The following PRICKLE2 variants were observed in gnomAD, a reference collection of about 807,000 sequenced individuals.
The protein encoded by PRICKLE2 is prickle-like protein 2.
Under a neutral mutation model 81.4 loss-of-function variants are expected in PRICKLE2, and 21 were observed. The ratio of observed to expected loss-of-function variants is 0.26; its 90% CI spans 0.18 to 0.37. The LOEUF (loss-of-function observed/expected upper bound fraction) is 0.37, where lower values mean the gene tolerates loss of function less well. Among genes scored for constraint, PRICKLE2 ranks in the 10% least tolerant of loss-of-function variants. PRICKLE2 has a pLI of 1.00. For synonymous variants in PRICKLE2, 456 were observed against 421.5 expected, an observed-to-expected ratio of 1.08 and a Z score of -1.00; for missense variants, 940 against 1,109.0, an observed-to-expected ratio of 0.85 and a Z score of 2.16.
intron 1 of PRICKLE2, among the ~76,000 whole-genome samples, chr3:64,205,894 T>C (rs1374320530): frequency 6.6e-5 from 10 of 152,168 alleles, no homozygotes; most frequent in Non-Finnish European, 5.9e-5. Context: ...GGCACATTCA[T>C]GGCCTTGAAA....
intron 2 of PRICKLE2, among the ~76,000 whole-genome samples, chr3:64,197,816 G>A (rs1159381800): frequency 6.6e-6 from 1 of 151,936 alleles, no homozygotes; most frequent in Admixed American, 6.6e-5. Flanking sequence ...GTCTACCTGT[G>A]TGACAAACTT....
chr3:64,116,712 C>T (rs1035590648), intron 7 of PRICKLE2, among the ~76,000 whole-genome samples: 2 of 152,090 alleles, frequency 1.3e-5, no homozygotes, highest in South Asian at 2.1e-4. Flanking sequence ...AAATAGCCTA[C>T]CAACCAAAAA....
intron 2 of PRICKLE2, among the ~76,000 whole-genome samples, chr3:64,266,197 A>C (rs571485183): frequency 1.1e-5 from 1 of 94,414 alleles, no homozygotes; most frequent in Non-Finnish European, 2.7e-5. Context: ...CCTCCACCGC[A>C]AAAGAAAAAA....
intron 1 of PRICKLE2, among the ~76,000 whole-genome samples, chr3:64,215,917 AG>A (rs1474893608): frequency 3.3e-5 from 5 of 152,258 alleles, no homozygotes. Context: ...AATGTTCAAA[AG>A]GTTGTTAAAC....
intron 7 of PRICKLE2, among the ~76,000 whole-genome samples, chr3:64,110,412 G>A (rs1367397195): frequency 6.6e-6 from 1 of 152,198 alleles, no homozygotes; most frequent in East Asian, 1.9e-4. Context: ...GGCACTGGGA[G>A]CACAACTGTG....
intron 2 of PRICKLE2, among the ~76,000 whole-genome samples, chr3:64,251,176 T>G (rs2079442436): frequency 6.6e-6 from 1 of 152,242 alleles, no homozygotes; most frequent in Non-Finnish European, 1.5e-5. Flanking sequence ...AGGCTGGTTA[T>G]CTTCACTTCC....
At chr3:64,109,300 G>GGTA (rs2076805681) in intron 7 of PRICKLE2, among the ~76,000 whole-genome samples, 5 of 152,094 alleles carry the variant, frequency 3.3e-5, no homozygotes, top group Admixed American at 3.3e-4. Context: ...TCTCTCAGTG[G>GGTA]CTATCAAGAA....
intron 7 of PRICKLE2, among the ~76,000 whole-genome samples, chr3:64,136,739 C>A (rs1262823565): frequency 6.6e-6 from 1 of 151,954 alleles, no homozygotes; most frequent in East Asian, 1.9e-4. Flanking sequence ...GAAGTTTTGC[C>A]AAGTGGCCAG....
intron 2 of PRICKLE2, among the ~76,000 whole-genome samples, chr3:64,165,610 G>A (rs978459800): frequency 6.6e-6 from 1 of 152,076 alleles, no homozygotes; most frequent in African/African-American, 2.4e-5. Flanking sequence ...GACCTCCTGG[G>A]CTTAAGCACT....
At chr3:64,138,948 C>T (rs2077317796) in intron 7 of PRICKLE2, among the ~76,000 whole-genome samples, 1 of 152,234 alleles carries the variant, frequency 6.6e-6, no homozygotes, top group East Asian at 1.9e-4. Flanking sequence ...CCAAGTTATG[C>T]AGAAGAATAG....
At chr3:64,228,970 C>T (rs1009172433), upstream of PRICKLE2, among the ~76,000 whole-genome samples, 1 of 152,114 alleles carries the variant, frequency 6.6e-6, no homozygotes, top group South Asian at 2.1e-4. Flanking sequence ...AACGCTTTTA[C>T]TTTTTTGGAA....
intron 7 of PRICKLE2, among the ~76,000 whole-genome samples, chr3:64,125,983 G>A (rs933150944): frequency 2.6e-5 from 4 of 151,752 alleles, no homozygotes; most frequent in Admixed American, 2.0e-4. Context: ...AGTTATCTAT[G>A]TGTCAGCATA....
At chr3:64,230,298 A>T (rs769799784), upstream of PRICKLE2, among the ~76,000 whole-genome samples, 3 of 152,238 alleles carry the variant, frequency 2.0e-5, no homozygotes, top group Non-Finnish European at 2.9e-5. Flanking sequence ...AACAAAATAC[A>T]ATCTATTAAA....
chr3:64,192,681 T>A (rs1371650277), intron 2 of PRICKLE2, among the ~76,000 whole-genome samples: 1 of 152,228 alleles, frequency 6.6e-6, no homozygotes, highest in Non-Finnish European at 1.5e-5. Context: ...TATGAGACAA[T>A]GCTTTGGAAA....
At chr3:64,267,763 T>C (rs951102941) in intron 2 of PRICKLE2, 4 of 152,230 alleles carry the variant, frequency 2.6e-5, no homozygotes, top group African/African-American at 9.6e-5. Context: ...TCCCAGCGTC[T>C]GGGTGGCAAA....
At chr3:64,102,471 G>C (rs1260874068) in intron 7 of PRICKLE2, 1 of 152,276 alleles carries the variant, frequency 6.6e-6, no homozygotes, top group Non-Finnish European at 1.5e-5. Flanking sequence ...CTCCTTACGA[G>C]AATCTCATGC....
At chr3:64,194,599 A>T (rs1254173386) in intron 2 of PRICKLE2, among the ~76,000 whole-genome samples, 1 of 152,222 alleles carries the variant, frequency 6.6e-6, no homozygotes, top group Admixed American at 6.5e-5. Context: ...AACAGTGCTG[A>T]GGCTGAGAAA....
intron 2 of PRICKLE2, among the ~76,000 whole-genome samples, chr3:64,191,501 T>C (rs2078336925): frequency 6.6e-6 from 1 of 152,224 alleles, no homozygotes; most frequent in African/African-American, 2.4e-5. Flanking sequence ...CTGCTACTCA[T>C]TAGCTGTGTG....
At chr3:64,136,060 T>A (rs1427587141) in intron 7 of PRICKLE2, among the ~76,000 whole-genome samples, 1 of 152,196 alleles carries the variant, frequency 6.6e-6, no homozygotes, top group Non-Finnish European at 1.5e-5. Flanking sequence ...GTAATTAAGA[T>A]ATGTATCATC....
Sources: allele counts gnomAD v4.1 joint callset (sites outside exome capture counted in the v4.1 genomes callset), GRCh38; gene constraint gnomAD v4.1.1; transcripts MANE v1.5; gene names NCBI Gene and HGNC (gene_info 2026-07-23, HGNC 2026-07-21).